Variants in TIMP3 observed in about 807,000 individuals in gnomAD.
TIMP3 encodes metalloproteinase inhibitor 3.
A neutral mutation model predicts 30.0 loss-of-function variants in TIMP3; 11 were observed. The ratio of observed to expected loss-of-function variants is 0.37; its 90% confidence interval spans 0.23 to 0.61. The LOEUF (loss-of-function observed/expected upper bound fraction) is 0.61. Among genes scored for constraint, TIMP3 ranks in the 20% least tolerant of loss-of-function variants. TIMP3 has a pLI of 0.70. For synonymous variants in TIMP3, 112 were observed against 111.3 expected, an observed-to-expected ratio of 1.01 and a Z score of -0.04; for missense variants, 181 against 276.8, an observed-to-expected ratio of 0.65 and a Z score of 2.45.
intron 1 of TIMP3, among the ~76,000 whole-genome samples, chr22:32,829,545 C>T (rs1245724330): frequency 6.6e-6 from 1 of 152,222 alleles, no homozygotes; most frequent in Non-Finnish European, 1.5e-5. Context: ...GCAGGGCTGC[C>T]CGCCTCCTGT....
chr22:32,853,007 C>T (rs1352378533), intron 2 of TIMP3, among the ~76,000 whole-genome samples: 8 of 152,158 alleles, frequency 5.3e-5, no homozygotes, highest in Non-Finnish European at 1.5e-5. Context: ...TGGGAGGGTC[C>T]CATGGGGAGA....
intron 1 of TIMP3, among the ~76,000 whole-genome samples, chr22:32,847,945 T>C (rs1334391780): frequency 6.6e-6 from 1 of 152,252 alleles, no homozygotes; most frequent in Non-Finnish European, 1.5e-5. Context: ...TCTGCCCTAA[T>C]GGCAGCCCCC....
At chr22:32,845,229 G>A (rs966767191) in intron 1 of TIMP3, among the ~76,000 whole-genome samples, 8 of 151,686 alleles carry the variant, frequency 5.3e-5, no homozygotes, top group African/African-American at 1.9e-4. Flanking sequence ...ATGGAATCTC[G>A]CTCTGTTTCC....
chr22:32,804,828 G>T (rs1347146438), intron 1 of TIMP3, among the ~76,000 whole-genome samples: 1 of 152,206 alleles, frequency 6.6e-6, no homozygotes, highest in Admixed American at 6.5e-5. Context: ...TTGGCAGCAG[G>T]CAGGATGTCT....
At chr22:32,842,703 G>A (rs1461535453) in intron 1 of TIMP3, among the ~76,000 whole-genome samples, 1 of 152,108 alleles carries the variant, frequency 6.6e-6, no homozygotes, top group Non-Finnish European at 1.5e-5. Flanking sequence ...GAACCCTTAG[G>A]GAGCCTGTGG....
chr22:32,858,815 G>A (rs2048452341), intron 4 of TIMP3, among the ~76,000 whole-genome samples: 1 of 152,126 alleles, frequency 6.6e-6, no homozygotes, highest in Admixed American at 6.5e-5. Flanking sequence ...CAAAGTTTAT[G>A]CTCTAACCTT....
chr22:32,856,376 G>A (rs2048365939), intron 2 of TIMP3, among the ~76,000 whole-genome samples: 1 of 152,130 alleles, frequency 6.6e-6, no homozygotes, highest in African/African-American at 2.4e-5. Flanking sequence ...GGCTAGTCAA[G>A]AGGATCGGTG....
At chr22:32,814,947 G>A (rs952665306) in intron 1 of TIMP3, among the ~76,000 whole-genome samples, 3 of 152,116 alleles carry the variant, frequency 2.0e-5, no homozygotes, top group African/African-American at 4.8e-5. Context: ...TATAAAATAT[G>A]ACCATTTCAA....
At chr22:32,807,313 TA>T (rs1420994904) in intron 1 of TIMP3, among the ~76,000 whole-genome samples, 3 of 120,164 alleles carry the variant, frequency 2.5e-5, no homozygotes, top group African/African-American at 9.5e-5. Flanking sequence ...TATAAATATA[TA>T]ATATATAAAT....
chr22:32,806,251 G>A (rs2046732438), intron 1 of TIMP3, among the ~76,000 whole-genome samples: 1 of 152,098 alleles, frequency 6.6e-6, no homozygotes, highest in African/African-American at 2.4e-5. Context: ...TGACAGTTCT[G>A]TGTCCCTTTC....
At position 32,821,389 on chromosome 22, in the gene TIMP3, G is replaced by A. The variant is rs184882193; in HGVS notation, c.121+19267G>A. ...ATCTGCACTTGCTCTTCTGCTAACC[G>A]CTAAGGTGTCATCAGTGCTGTGCTA... On this transcript the variant is annotated intron_variant, in intron 1 of 4. Coordinates refer to ENST00000266085, the MANE Select transcript of TIMP3 (RefSeq NM_000362.5). 6.6e-5 allele frequency among the ~76,000 whole-genome samples: 10 copies of A among 152,308 alleles called. No homozygotes were observed. The East Asian group carries it at 1.7e-3, about 26-fold the overall frequency.
At chr22:32,827,466 A>T (rs926424528) in intron 1 of TIMP3, among the ~76,000 whole-genome samples, 13 of 147,224 alleles carry the variant, frequency 8.8e-5, no homozygotes, top group African/African-American at 3.3e-4. Flanking sequence ...ATTTTAAAAC[A>T]TGTGATGATA....
chr22:32,822,281 G>T (rs577223359), intron 1 of TIMP3, among the ~76,000 whole-genome samples: 1 of 152,162 alleles, frequency 6.6e-6, no homozygotes, highest in East Asian at 1.9e-4. Context: ...CACAGGGTAT[G>T]ATCACATTTC....
chr22:32,833,681 G>T (rs1396206295), intron 1 of TIMP3, among the ~76,000 whole-genome samples: 1 of 152,202 alleles, frequency 6.6e-6, no homozygotes, highest in East Asian at 1.9e-4. Flanking sequence ...AATTCAGGCT[G>T]CCTGGACTGG....
chr22:32,851,613 TCTTA>T (rs1266870800), intron 2 of TIMP3, among the ~76,000 whole-genome samples: 3 of 152,252 alleles, frequency 2.0e-5, no homozygotes, highest in Non-Finnish European at 4.4e-5. Flanking sequence ...GGATCCCTCG[TCTTA>T]CTTCTGACAG....
chr22:32,854,743 C>T (rs529334758), intron 2 of TIMP3, among the ~76,000 whole-genome samples: 4 of 152,272 alleles, frequency 2.6e-5, no homozygotes, highest in African/African-American at 9.6e-5. Context: ...TGAGTGTGGA[C>T]GGCACTTCTT....
intron 1 of TIMP3, among the ~76,000 whole-genome samples, chr22:32,839,434 A>C (rs1361352181): frequency 6.6e-6 from 1 of 152,086 alleles, no homozygotes; most frequent in East Asian, 1.9e-4. Context: ...CTTGGTGAAC[A>C]CTTTGAGGTA....
At chr22:32,847,280 C>T (rs1210485700) in intron 1 of TIMP3, among the ~76,000 whole-genome samples, 2 of 152,120 alleles carry the variant, frequency 1.3e-5, no homozygotes, top group East Asian at 1.9e-4. Flanking sequence ...GCTGGCTTGT[C>T]GCCGAGAATA....
intron 1 of TIMP3, among the ~76,000 whole-genome samples, chr22:32,835,108 G>C (rs886433780): frequency 6.6e-6 from 1 of 152,188 alleles, no homozygotes; most frequent in African/African-American, 2.4e-5. Flanking sequence ...TTCTGAGTCA[G>C]TTCATGCAGC....
Sources: allele counts gnomAD v4.1 joint callset (sites outside exome capture counted in the v4.1 genomes callset), GRCh38; gene constraint gnomAD v4.1.1; transcripts MANE v1.5; gene names NCBI Gene and HGNC (gene_info 2026-07-23, HGNC 2026-07-21).